SLC9A9: variants seen among roughly 807,000 people sequenced by gnomAD.
The protein encoded by SLC9A9 is solute carrier family 9 member A9.
In SLC9A9, 62 loss-of-function variants were observed where a neutral mutation model predicts 77.8. That is an observed-to-expected ratio of 0.80 (90% CI 0.65 to 0.98). The LOEUF is 0.98. Ranked by LOEUF, SLC9A9 falls within the 50% of genes least tolerant of loss-of-function variation. The probability of loss-of-function intolerance (pLI) is 0.00; values close to 1 mark genes in which losing one functional copy is unlikely to be tolerated. For missense variants in SLC9A9, 775 were observed against 774.9 expected, an observed-to-expected ratio of 1.00 and a Z score of 0.00; for synonymous variants, 320 against 283.5, an observed-to-expected ratio of 1.13 and a Z score of -1.29.
chr3:143,711,408 A>C (rs962833351), intron 4 of SLC9A9, among the ~76,000 whole-genome samples: 3 of 151,872 alleles, frequency 2.0e-5, no homozygotes, highest in Non-Finnish European at 2.9e-5. Flanking sequence ...TTTAAAAAAA[A>C]TTAAAAAGAA....
At chr3:143,590,867 A>G (rs545210174) in intron 6 of SLC9A9, among the ~76,000 whole-genome samples, 1 of 152,336 alleles carries the variant, frequency 6.6e-6, no homozygotes, top group East Asian at 1.9e-4. Context: ...CATGCTACAT[A>G]GAGATAAAGA....
rs375966952 is a variant in SLC9A9 at position 143,825,595 on chromosome 3, T to G, written c.378+6424A>C. ...TTGAAACGAGCTCTGATGACCTATT[T>G]GCAGCTTGGCAATTCTCTTTATTGA... On this transcript the variant is annotated intron_variant, in intron 2 of 15. Transcript: ENST00000316549. 1.1e-4 allele frequency among the ~76,000 whole-genome samples: 17 copies of G among 152,354 alleles called. 1 individual carries two copies. The South Asian group carries it at 2.9e-3, about 26-fold the overall frequency.
intron 12 of SLC9A9, among the ~76,000 whole-genome samples, chr3:143,416,759 C>T (rs2034201274): frequency 6.6e-6 from 1 of 152,144 alleles, no homozygotes; most frequent in South Asian, 2.1e-4. Flanking sequence ...TATGCTTGTA[C>T]ATCTGTATGT....
chr3:143,670,670 C>T (rs1190388161), intron 5 of SLC9A9, among the ~76,000 whole-genome samples: 2 of 152,150 alleles, frequency 1.3e-5, no homozygotes, highest in Non-Finnish European at 2.9e-5. Flanking sequence ...TTTCTCAGAG[C>T]CTTCTCCCCA....
chr3:143,319,466 A>G (rs1045406871), intron 14 of SLC9A9, among the ~76,000 whole-genome samples: 1 of 152,198 alleles, frequency 6.6e-6, no homozygotes, highest in Admixed American at 6.5e-5. Flanking sequence ...CCTAATGTAA[A>G]TGAGAAGTTA....
chr3:143,438,426 G>T (rs13093275), intron 12 of SLC9A9, among the ~76,000 whole-genome samples: 18,874 of 152,010 alleles, frequency 0.12, 1,304 homozygotes, highest in South Asian at 0.19. Context: ...TCCCTGGCGT[G>T]TGTGTGTGTG....
At chr3:143,791,026 G>A (rs1384343680) in intron 4 of SLC9A9, among the ~76,000 whole-genome samples, 2 of 152,202 alleles carry the variant, frequency 1.3e-5, no homozygotes, top group Non-Finnish European at 2.9e-5. Context: ...TTGGCATGGT[G>A]TATAGGGTGG....
chr3:143,652,535 C>T (rs1051258770), intron 5 of SLC9A9, among the ~76,000 whole-genome samples, 175 bp from the exon 6 acceptor site: 3 of 152,064 alleles, frequency 2.0e-5, no homozygotes, highest in Admixed American at 2.0e-4. Context: ...CTTCTCTTGG[C>T]TCCCTACTGC....
At chr3:143,697,065 A>G (rs893325625) in intron 4 of SLC9A9, among the ~76,000 whole-genome samples, 3 of 151,864 alleles carry the variant, frequency 2.0e-5, no homozygotes, top group East Asian at 1.9e-4. Context: ...AATCTTCTAC[A>G]TGTCAAATGA....
chr3:143,482,552 CCTT>C (rs1373355092), intron 11 of SLC9A9, among the ~76,000 whole-genome samples: 2 of 152,192 alleles, frequency 1.3e-5, no homozygotes, highest in African/African-American at 4.8e-5. Context: ...TAAACTCCCT[CCTT>C]GTTAGACAAG....
chr3:143,437,634 A>G (rs3860227), intron 12 of SLC9A9, among the ~76,000 whole-genome samples: 149,226 of 152,378 alleles, frequency 0.98, 73,084 homozygotes, highest in East Asian at 1. Context: ...CTATACGCAG[A>G]GGGAGAGCTA....
At chr3:143,768,410 T>A (rs1293911494) in intron 4 of SLC9A9, among the ~76,000 whole-genome samples, 2 of 152,200 alleles carry the variant, frequency 1.3e-5, no homozygotes, top group Non-Finnish European at 2.9e-5. Context: ...AAGATTCTTC[T>A]ATTTTGTTTA....
chr3:143,318,356 TTTTGTG>T (rs2031301401), intron 14 of SLC9A9, among the ~76,000 whole-genome samples: 1 of 152,196 alleles, frequency 6.6e-6, no homozygotes, highest in African/African-American at 2.4e-5. Flanking sequence ...AAGCAAGTAT[TTTTGTG>T]TTATTTCTTT....
chr3:143,640,810 C>T (rs946821148), intron 6 of SLC9A9, among the ~76,000 whole-genome samples: 2 of 152,118 alleles, frequency 1.3e-5, no homozygotes, highest in Non-Finnish European at 2.9e-5. Context: ...CGAGATCGTG[C>T]CACTGCATTA....
At chr3:143,726,525 T>G (rs1934660626) in intron 4 of SLC9A9, among the ~76,000 whole-genome samples, 1 of 152,202 alleles carries the variant, frequency 6.6e-6, no homozygotes, top group African/African-American at 2.4e-5. Flanking sequence ...TTACCTTTTT[T>G]GTCTCATAAT....
chr3:143,623,283 T>C (rs1227500707), intron 6 of SLC9A9, among the ~76,000 whole-genome samples: 7 of 152,196 alleles, frequency 4.6e-5, no homozygotes, highest in Middle Eastern at 3.4e-3. Context: ...ATCTACAGAA[T>C]TCTCCACCCC....
At chr3:143,610,113 G>A (rs190084417) in intron 6 of SLC9A9, among the ~76,000 whole-genome samples, 1 of 152,050 alleles carries the variant, frequency 6.6e-6, no homozygotes, top group African/African-American at 2.4e-5. Flanking sequence ...TCACTCCTTA[G>A]CATTACTTAG....
At chr3:143,564,758 CTA>C (rs1189890449) in intron 8 of SLC9A9, among the ~76,000 whole-genome samples, 1 of 152,076 alleles carries the variant, frequency 6.6e-6, no homozygotes, top group Admixed American at 6.6e-5. Flanking sequence ...CAGCATGAAT[CTA>C]TGTTATTATT....
At chr3:143,523,414 A>G (rs1205754400) in intron 9 of SLC9A9, among the ~76,000 whole-genome samples, 1 of 152,150 alleles carries the variant, frequency 6.6e-6, no homozygotes, top group Non-Finnish European at 1.5e-5. Context: ...ATAAGTAAAA[A>G]CAATTATATA....
Sources: allele counts gnomAD v4.1 joint callset (sites outside exome capture counted in the v4.1 genomes callset), GRCh38; gene constraint gnomAD v4.1.1; transcripts MANE v1.5; gene names NCBI Gene and HGNC (gene_info 2026-07-23, HGNC 2026-07-21).